Variants in NKD2 observed in about 807,000 individuals in gnomAD.
The protein encoded by NKD2 is NKD inhibitor of Wnt signaling pathway 2.
In NKD2, 43 loss-of-function variants were observed where a neutral mutation model predicts 34.8. That is an observed-to-expected ratio of 1.24 (90% CI 0.97 to 1.60). The LOEUF (loss-of-function observed/expected upper bound fraction) is 1.60. NKD2 is among the 40% of genes most tolerant of loss of function. The pLI is 0.00. For synonymous variants in NKD2, 278 were observed against 265.1 expected (o/e 1.05, Z -0.47); for missense variants, 675 against 627.1 (o/e 1.08, Z -0.82).
At chr5:1,031,706 A>G (rs570789665) in intron 3 of NKD2, among the ~76,000 whole-genome samples, 5 of 152,274 alleles carry the variant, frequency 3.3e-5, no homozygotes, top group African/African-American at 9.6e-5. Flanking sequence ...CGGCAGCCCT[A>G]TAAGAGGCAT....
chr5:1,022,247 C>T (rs1249530722), intron 3 of NKD2, among the ~76,000 whole-genome samples: 57 of 139,426 alleles, frequency 4.1e-4, no homozygotes, highest in Middle Eastern at 7.9e-3. Flanking sequence ...CTGCTCTTCC[C>T]ACCCGCTGTG....
chr5:1,033,554 A>G (rs1482027846), intron 5 of NKD2, 55 bp downstream of exon 5: 11 of 1,511,264 alleles, frequency 7.3e-6, no homozygotes, highest in Admixed American at 2.1e-5. Flanking sequence ...CCGGGGGCTC[A>G]GGGACAGGCA....
chr5:1,036,031 C>A, intron 8 of NKD2: 1 of 1,061,866 alleles, frequency 9.4e-7, no homozygotes. Context: ...GGCTCTGGTG[C>A]CTGGGAGGGA....
intron 3 of NKD2, among the ~76,000 whole-genome samples, chr5:1,027,308 G>A (rs554778657): frequency 1.3e-5 from 2 of 152,346 alleles, no homozygotes; most frequent in Admixed American, 1.3e-4. Context: ...TGCTGGTGGC[G>A]ATGAAAGCTG....
chr5:1,013,098 G>A (rs1375848436), intron 3 of NKD2, among the ~76,000 whole-genome samples: 1 of 152,192 alleles, frequency 6.6e-6, no homozygotes, highest in African/African-American at 2.4e-5. Flanking sequence ...GGTTGTGGGT[G>A]CCCAGTCCAC....
intron 7 of NKD2, 70 bp from the exon 8 acceptor site, chr5:1,035,319 T>G: frequency 8.4e-7 from 1 of 1,184,208 alleles, no homozygotes. Flanking sequence ...AGTTAATGAA[T>G]GAGTGAATGA....
At chr5:1,037,195 T>A (rs1454233465) in intron 9 of NKD2, among the ~76,000 whole-genome samples, 1 of 152,138 alleles carries the variant, frequency 6.6e-6, no homozygotes, top group Non-Finnish European at 1.5e-5. Flanking sequence ...GTGGCCTGCA[T>A]GGAGATTCTT....
chr5:1,010,716 A>G (rs1316470044), intron 3 of NKD2, among the ~76,000 whole-genome samples: 3 of 152,288 alleles, frequency 2.0e-5, no homozygotes, highest in Middle Eastern at 6.8e-3. Context: ...TGCCAGTTAC[A>G]TTTGCACAGG....
intron 4 of NKD2, among the ~76,000 whole-genome samples, chr5:1,033,027 G>A (rs1756705236): frequency 7.7e-6 from 1 of 129,454 alleles, no homozygotes; most frequent in Non-Finnish European, 1.9e-5. Context: ...CGGAGGGACT[G>A]TGTCTATGGG....
intron 3 of NKD2, among the ~76,000 whole-genome samples, chr5:1,021,789 C>G: frequency 6.6e-6 from 1 of 152,092 alleles, no homozygotes; most frequent in South Asian, 2.1e-4. Flanking sequence ...CAGGTTCCCC[C>G]CTCCCATGGT....
chr5:1,021,955 T>G (rs1756208766), intron 3 of NKD2, among the ~76,000 whole-genome samples: 2 of 152,178 alleles, frequency 1.3e-5, no homozygotes, highest in South Asian at 4.1e-4. Context: ...CAGGGCCGCC[T>G]GCAGCCTGCT....
chr5:1,022,054 G>T (rs370922416), intron 3 of NKD2, among the ~76,000 whole-genome samples: 1 of 31,034 alleles, frequency 3.2e-5, no homozygotes, highest in African/African-American at 1.3e-4. Flanking sequence ...TCCCCCTACC[G>T]CCAGTCGAAA....
intron 7 of NKD2, 142 bp from the exon 8 acceptor site, chr5:1,035,247 C>A: frequency 1.4e-6 from 1 of 714,464 alleles, no homozygotes; most frequent in Non-Finnish European, 2.4e-6. Flanking sequence ...AATGAGTGAA[C>A]AAGTGAGTGA....
chr5:1,032,163 T>TGG lies in NKD2; in HGVS notation c.156_157dup (p.Asp53GlyfsTer120). ...CGTTCTTCCTGCAGGAGCTGCCCAA[T>TGG]GGGGACCCCAAGGAGGGGCCTTTCC... On this transcript the variant is annotated frameshift_variant, in exon 4 of 10. Transcript: ENST00000296849. LOFTEE classifies it high-confidence loss of function. The TGG allele has an allele frequency of 6.2e-7, 1 of 1,611,530 alleles. No individual in the cohort carries two copies. Among genetic ancestry groups the TGG allele is most frequent in the Admixed American group, 1.7e-5 (1 of 59,902 alleles).
chr5:1,036,224 C>A, intron 8 of NKD2, 33 bp from the exon 9 acceptor site: 1 of 1,547,852 alleles, frequency 6.5e-7, no homozygotes. Flanking sequence ...CCAGTCTGTG[C>A]GGGGGTCAGG....
chr5:1,026,040 TCCCA>T (rs1756381273), intron 3 of NKD2, among the ~76,000 whole-genome samples: 4 of 41,206 alleles, frequency 9.7e-5, no homozygotes, highest in South Asian at 1.5e-3. Flanking sequence ...TCTGTGGGCG[TCCCA>T]GCCCATTGTC....
chr5:1,034,476 G>T (rs1733723756), intron 6 of NKD2, 146 bp downstream of exon 6: 2 of 756,658 alleles, frequency 2.6e-6, no homozygotes, highest in Non-Finnish European at 4.5e-6. Context: ...TCTCCCCAGG[G>T]CCCAGTTCAC....
chr5:1,031,739 C>T lies in NKD2; in HGVS notation c.142-413C>T, dbSNP rs748750510. 4.6e-5 allele frequency among the ~76,000 whole-genome samples: 7 copies of T among 152,276 alleles called. No homozygotes were observed. In the South Asian group the frequency reaches 1.0e-3, roughly 23 times the overall value. ...CATGTTGGGGTCCTGGGCAGCCATG[C>T]GGGCAGCGGCTGGAGTCCTCGTGTC... is the stretch of plus-strand genomic sequence containing the variant. On this transcript the variant is annotated intron_variant, in intron 3 of 9. Transcript: ENST00000296849.
At chr5:1,025,918 C>T (rs373303943) in intron 3 of NKD2, among the ~76,000 whole-genome samples, 126 of 62,336 alleles carry the variant, frequency 2.0e-3, no homozygotes, top group East Asian at 4.0e-3. Context: ...TGTGGGCGTC[C>T]CAGCCCATTG....
Sources: gnomAD v4.1 joint callset for allele counts (sites outside exome capture counted in the v4.1 genomes callset) on GRCh38, gnomAD v4.1.1 for gene constraint, MANE v1.5 for transcripts, NCBI Gene and HGNC (gene_info 2026-07-23, HGNC 2026-07-21) for gene names.